Variants in UTS2 observed in about 807,000 individuals in gnomAD.
UTS2 encodes the protein urotensin-2.
In UTS2, 10 loss-of-function variants were observed where a neutral mutation model predicts 12.6. That is an observed-to-expected ratio of 0.80 (90% confidence interval 0.49 to 1.35). The LOEUF (loss-of-function observed/expected upper bound fraction) is 1.35. Ranked by LOEUF, UTS2 falls within the 40% of genes most tolerant of loss-of-function variation. The pLI, the probability that UTS2 is intolerant of heterozygous loss-of-function variation, is 0.00. For missense variants in UTS2, 142 were observed against 143.2 expected (o/e 0.99, Z 0.04); for synonymous variants, 52 against 50.0 (o/e 1.04, Z -0.17).
the UTS2 span, among the ~76,000 whole-genome samples, chr1:7,889,895 T>C: frequency 1.3e-5 from 2 of 151,862 alleles, no homozygotes; most frequent in South Asian, 4.2e-4. Context: ...TGAAACCCCG[T>C]CTCTATTAAA....
At chr1:7,908,332 G>C in the UTS2 span, among the ~76,000 whole-genome samples, 293 of 151,084 alleles carry the variant, frequency 1.9e-3, 1 homozygote, top group African/African-American at 6.8e-3. Context: ...CAGGTGTGGT[G>C]GTTTACACCT....
the UTS2 span, among the ~76,000 whole-genome samples, chr1:7,886,312 G>C: frequency 6.6e-6 from 1 of 152,174 alleles, no homozygotes; most frequent in African/African-American, 2.4e-5. Flanking sequence ...CTTATAAATT[G>C]GAACAGAGAA....
At chr1:7,855,482 G>A (rs139863953), upstream of UTS2, among the ~76,000 whole-genome samples, 888 of 152,156 alleles carry the variant, frequency 5.8e-3, 11 homozygotes, top group African/African-American at 0.021. Context: ...TACTCCGGAG[G>A]CTGAGGCAGG....
chr1:7,882,262 G>A, the UTS2 span, among the ~76,000 whole-genome samples: 1 of 152,104 alleles, frequency 6.6e-6, no homozygotes, highest in South Asian at 2.1e-4. Context: ...TTGAGCCCAG[G>A]AAGTCAAGGC....
intron 2 of UTS2, 64 bp downstream of exon 2, chr1:7,850,748 A>G (rs2097413070): frequency 1.3e-6 from 2 of 1,508,668 alleles, no homozygotes; most frequent in Non-Finnish European, 1.8e-6. Flanking sequence ...CTTCTAGATG[A>G]GGACAGACGG....
the UTS2 span, among the ~76,000 whole-genome samples, chr1:7,891,941 C>T: frequency 6.6e-6 from 1 of 152,222 alleles, no homozygotes; most frequent in Middle Eastern, 3.4e-3. Flanking sequence ...TGGGGGATGG[C>T]TCTGCCTGTG....
chr1:7,856,778 C>G (rs1179555597), upstream of UTS2, among the ~76,000 whole-genome samples: 2 of 152,126 alleles, frequency 1.3e-5, no homozygotes, highest in African/African-American at 4.8e-5. Flanking sequence ...TTTAAGAAAA[C>G]AGCCGGGCAC....
chr1:7,899,609 G>A, the UTS2 span, among the ~76,000 whole-genome samples: 3 of 152,094 alleles, frequency 2.0e-5, no homozygotes, highest in Non-Finnish European at 4.4e-5. Flanking sequence ...CCAGGCTCAG[G>A]TGATCCTCAC....
chr1:7,853,031 C>T lies in UTS2; in HGVS notation c.-28G>A. The T allele has an allele frequency of 6.3e-7, 1 of 1,595,442 alleles. No individual in the cohort carries two copies. Among genetic ancestry groups the T allele is most frequent in the South Asian group, 1.1e-5 (1 of 87,114 alleles). On this transcript the variant is annotated 5_prime_UTR_variant, in exon 1 of 4. Coordinates refer to ENST00000361696, the MANE Select transcript of UTS2 (RefSeq NM_006786.4). ...TCGCCACAAGATAGACGGCTTCCTTCTTGGCTTCTGTTGTAGAGAACTTTC... is the reference window on the plus strand; with the variant it reads ...TCGCCACAAGATAGACGGCTTCCTTTTTGGCTTCTGTTGTAGAGAACTTTC...
chr1:7,908,951 T>C, the UTS2 span, among the ~76,000 whole-genome samples: 2 of 151,868 alleles, frequency 1.3e-5, no homozygotes, highest in South Asian at 4.2e-4. Flanking sequence ...GGACTACAGG[T>C]GCGTGCCACC....
At chr1:7,883,160 G>T in the UTS2 span, among the ~76,000 whole-genome samples, 1 of 152,156 alleles carries the variant, frequency 6.6e-6, no homozygotes, top group African/African-American at 2.4e-5. Context: ...AACAGATAAA[G>T]AAAATGTGGT....
chr1:7,853,124 C>CAA (rs34962249), upstream of UTS2: 2,338 of 1,268,556 alleles, frequency 1.8e-3, no homozygotes, highest in East Asian at 5.7e-3. Flanking sequence ...TCATCCTCTC[C>CAA]AAAAAAAAAA....
chr1:7,877,006 TG>T, the UTS2 span, among the ~76,000 whole-genome samples: 4 of 151,726 alleles, frequency 2.6e-5, no homozygotes, highest in African/African-American at 9.7e-5. Context: ...GGTGCATGCC[TG>T]TAGTCCCAGC....
At chr1:7,890,857 A>C in the UTS2 span, among the ~76,000 whole-genome samples, 5 of 151,938 alleles carry the variant, frequency 3.3e-5, no homozygotes, top group Non-Finnish European at 5.9e-5. Flanking sequence ...AAAAAAAAAA[A>C]AAAAACCTAA....
chr1:7,906,023 A>G, the UTS2 span, among the ~76,000 whole-genome samples: 1 of 152,134 alleles, frequency 6.6e-6, no homozygotes, highest in Non-Finnish European at 1.5e-5. Flanking sequence ...AATTCTTTCC[A>G]GGTGAGCATC....
intron 1 of UTS2, among the ~76,000 whole-genome samples, chr1:7,851,451 T>C (rs1008331873): frequency 6.6e-6 from 1 of 152,172 alleles, no homozygotes; most frequent in African/African-American, 2.4e-5. Flanking sequence ...AGGAACTTGA[T>C]TGTGGCATTT....
At chr1:7,909,572 A>G in the UTS2 span, among the ~76,000 whole-genome samples, 1 of 151,636 alleles carries the variant, frequency 6.6e-6, no homozygotes, top group Non-Finnish European at 1.5e-5. Flanking sequence ...AGAAAAAAAA[A>G]TTTAGGTCAA....
chr1:7,855,911 C>G (rs1397145609), upstream of UTS2, among the ~76,000 whole-genome samples: 1 of 151,356 alleles, frequency 6.6e-6, no homozygotes, highest in Non-Finnish European at 1.5e-5. Context: ...CCAGGCTGGT[C>G]TCAAAATCTT....
At chr1:7,899,622 C>T in the UTS2 span, among the ~76,000 whole-genome samples, 2 of 152,160 alleles carry the variant, frequency 1.3e-5, no homozygotes. Context: ...ATCCTCACAC[C>T]TCAGCCTCCT....
Sources: gnomAD v4.1 joint callset for allele counts (sites outside exome capture counted in the v4.1 genomes callset) on GRCh38, gnomAD v4.1.1 for gene constraint, MANE v1.5 for transcripts, NCBI Gene and HGNC (gene_info 2026-07-23, HGNC 2026-07-21) for gene names.